GALNT13: variants seen among roughly 807,000 people sequenced by gnomAD.
GALNT13 encodes UDP-GalNAc:polypeptide N-acetylgalactosaminyltransferase 13.
GALNT13 carries 28 observed loss-of-function variants against 64.2 expected under a neutral mutation model. The ratio of observed to expected loss-of-function variants is 0.44; its 90% CI spans 0.32 to 0.60. The LOEUF is 0.60. GALNT13 is among the 20% of genes least tolerant of loss of function. The probability of loss-of-function intolerance (pLI) is 0.05; values close to 1 mark genes in which losing one functional copy is unlikely to be tolerated. For synonymous variants in GALNT13, 214 were observed against 224.6 expected (o/e 0.95, Z 0.42); for missense variants, 577 against 669.8 (o/e 0.86, Z 1.53).
chr2:153,955,086 A>G (rs1024091451), intron 3 of GALNT13, among the ~76,000 whole-genome samples: 7 of 152,116 alleles, frequency 4.6e-5, no homozygotes, highest in African/African-American at 1.7e-4. Flanking sequence ...GCATTTATTG[A>G]GTCTCTAGAG....
At chr2:153,808,742 C>T in the GALNT13 span, among the ~76,000 whole-genome samples, 1 of 152,148 alleles carries the variant, frequency 6.6e-6, no homozygotes, top group Non-Finnish European at 1.5e-5. Context: ...ACCTATTTTT[C>T]ACTGTCATCT....
chr2:153,903,514 T>C (rs1344498018), intron 2 of GALNT13, among the ~76,000 whole-genome samples: 1 of 151,974 alleles, frequency 6.6e-6, no homozygotes, highest in Non-Finnish European at 1.5e-5. Flanking sequence ...TTCTGCTTCA[T>C]TGATTCATGT....
the GALNT13 span, among the ~76,000 whole-genome samples, chr2:153,338,250 G>T: frequency 6.6e-6 from 1 of 151,974 alleles, no homozygotes. Context: ...CTATGATCCT[G>T]TTACTGCACT....
chr2:153,602,232 T>C, the GALNT13 span, among the ~76,000 whole-genome samples: 4 of 151,898 alleles, frequency 2.6e-5, no homozygotes, highest in African/African-American at 4.8e-5. Context: ...TAAATACTTA[T>C]TATCCATCTA....
At chr2:153,889,927 G>C (rs1687440758) in intron 1 of GALNT13, among the ~76,000 whole-genome samples, 1 of 151,744 alleles carries the variant, frequency 6.6e-6, no homozygotes, top group Admixed American at 6.6e-5. Flanking sequence ...ATAAAACCCT[G>C]GGGGTCCACT....
chr2:154,365,047 T>C (rs1035764201), intron 9 of GALNT13, among the ~76,000 whole-genome samples: 2 of 152,240 alleles, frequency 1.3e-5, no homozygotes, highest in Admixed American at 1.3e-4. Context: ...TAGCACCTAC[T>C]AGACAAACTA....
intron 8 of GALNT13, among the ~76,000 whole-genome samples, chr2:154,267,134 A>G (rs912796005): frequency 3.3e-5 from 5 of 152,104 alleles, no homozygotes; most frequent in Non-Finnish European, 7.4e-5. Flanking sequence ...AGAACAACTG[A>G]ATGTCTATGT....
chr2:154,380,939 C>T (rs939675709), intron 9 of GALNT13, among the ~76,000 whole-genome samples: 6 of 151,966 alleles, frequency 3.9e-5, no homozygotes, highest in African/African-American at 1.4e-4. Context: ...TTATGTGGCC[C>T]TCTCCATAAG....
At chr2:153,823,708 G>A in the GALNT13 span, among the ~76,000 whole-genome samples, 506 of 152,236 alleles carry the variant, frequency 3.3e-3, 5 homozygotes, top group African/African-American at 0.012. Context: ...CATTGGATTT[G>A]CCACAAATGT....
chr2:154,147,946 T>G (rs1047665941), intron 4 of GALNT13, among the ~76,000 whole-genome samples: 4 of 151,954 alleles, frequency 2.6e-5, no homozygotes, highest in Non-Finnish European at 5.9e-5. Context: ...ACTTTAAGTT[T>G]TAGGGTACAT....
At chr2:154,045,474 A>G (rs1238675750) in intron 3 of GALNT13, among the ~76,000 whole-genome samples, 2 of 152,194 alleles carry the variant, frequency 1.3e-5, no homozygotes. Flanking sequence ...GTTTCCAGTT[A>G]GCTGTGATTT....
chr2:153,281,685 A>AT, the GALNT13 span, among the ~76,000 whole-genome samples: 17 of 151,560 alleles, frequency 1.1e-4, no homozygotes, highest in South Asian at 2.1e-4. Flanking sequence ...CTTAGTTGAA[A>AT]TTTTTTTTTC....
intron 4 of GALNT13, among the ~76,000 whole-genome samples, chr2:154,187,205 A>G (rs988370543): frequency 1.3e-5 from 2 of 152,064 alleles, no homozygotes; most frequent in African/African-American, 4.8e-5. Context: ...TTTGTCAAAC[A>G]TATCTGATTT....
the GALNT13 span, among the ~76,000 whole-genome samples, chr2:153,071,175 G>C: frequency 2.0e-5 from 3 of 152,130 alleles, no homozygotes; most frequent in Non-Finnish European, 2.9e-5. Flanking sequence ...AGTAACTATA[G>C]TTGTGCAAGA....
the GALNT13 span, among the ~76,000 whole-genome samples, chr2:153,450,898 G>A: frequency 1.3e-5 from 2 of 152,114 alleles, no homozygotes; most frequent in African/African-American, 2.4e-5. Flanking sequence ...TTCAAAAGAT[G>A]GATGAAAGTA....
chr2:153,142,707 G>A, the GALNT13 span, among the ~76,000 whole-genome samples: 3 of 151,894 alleles, frequency 2.0e-5, no homozygotes, highest in Admixed American at 6.6e-5. Flanking sequence ...GTGGTGTTAT[G>A]TATGGAAATG....
intron 3 of GALNT13, among the ~76,000 whole-genome samples, chr2:153,987,928 C>A (rs181319969): frequency 9.2e-5 from 14 of 151,846 alleles, no homozygotes; most frequent in Admixed American, 6.6e-4. Flanking sequence ...TGAAACTATT[C>A]CTACAGTTAG....
the GALNT13 span, among the ~76,000 whole-genome samples, chr2:153,797,476 A>C: frequency 6.6e-6 from 1 of 152,226 alleles, no homozygotes; most frequent in Non-Finnish European, 1.5e-5. Flanking sequence ...CCATCCTAAA[A>C]ATTAATCACA....
At chr2:153,712,853 A>G in the GALNT13 span, among the ~76,000 whole-genome samples, 1 of 152,206 alleles carries the variant, frequency 6.6e-6, no homozygotes, top group South Asian at 2.1e-4. Flanking sequence ...AGGCAAAGCT[A>G]TCTGTGTCCC....
Sources: allele counts gnomAD v4.1 joint callset (sites outside exome capture counted in the v4.1 genomes callset), GRCh38; gene constraint gnomAD v4.1.1; transcripts MANE v1.5; gene names NCBI Gene and HGNC (gene_info 2026-07-23, HGNC 2026-07-21).